CDCA8: variants seen among roughly 807,000 people sequenced by gnomAD.
CDCA8 encodes cell division cycle associated 8.
Under a neutral mutation model 40.0 loss-of-function variants are expected in CDCA8, and 25 were observed. The observed-to-expected ratio is 0.63, with a 90% CI of 0.46 to 0.87. CDCA8 has a LOEUF of 0.87. Ranked by LOEUF, CDCA8 falls within the 40% of genes least tolerant of loss-of-function variation. CDCA8 has a pLI of 0.00. For missense variants in CDCA8, 280 were observed against 348.4 expected, an observed-to-expected ratio of 0.80 and a Z score of 1.56; for synonymous variants, 111 against 126.5, an observed-to-expected ratio of 0.88 and a Z score of 0.82.
intron 7 of CDCA8, among the ~76,000 whole-genome samples, chr1:37,704,636 CTTTTTTTT>C (rs145718694): frequency 2.3e-5 from 2 of 86,456 alleles, no homozygotes; most frequent in African/African-American, 4.7e-5. Context: ...TTAATTGCCA[CTTTTTTTT>C]TTTTTTTTTT....
chr1:37,699,910 ACT>A (rs1182948990), intron 4 of CDCA8, among the ~76,000 whole-genome samples: 4 of 150,712 alleles, frequency 2.7e-5, no homozygotes, highest in African/African-American at 4.9e-5. Flanking sequence ...ATAGAGCGAG[ACT>A]CTGTCTCAAA....
intron 4 of CDCA8, among the ~76,000 whole-genome samples, 176 bp downstream of exon 4, chr1:37,699,153 C>G (rs1557516609): frequency 6.6e-6 from 1 of 151,958 alleles, no homozygotes; most frequent in African/African-American, 2.4e-5. Context: ...TTTTTTCCCC[C>G]GAACAGCAAT....
intron 6 of CDCA8, among the ~76,000 whole-genome samples, chr1:37,702,214 T>A (rs1039783903): frequency 6.6e-5 from 10 of 151,998 alleles, no homozygotes; most frequent in African/African-American, 2.4e-4. Flanking sequence ...TAATTTTGTA[T>A]TTTTAGTAGA....
chr1:37,704,636 CTTTTTTTTTTTTTTTT>C (rs145718694), intron 7 of CDCA8, among the ~76,000 whole-genome samples: 2 of 86,478 alleles, frequency 2.3e-5, no homozygotes, highest in South Asian at 9.3e-4. Flanking sequence ...TTAATTGCCA[CTTTTTTTTTTTTTTTT>C]TTTTTTTTTT....
chr1:37,708,752 T>G lies in CDCA8; in HGVS notation c.*386T>G. 3.4e-6 allele frequency: 1 copy of G among 290,490 alleles called. No individual in the cohort carries two copies. Among genetic ancestry groups the G allele is most frequent in the East Asian group, 7.8e-5 (1 of 12,818 alleles). The allele number at this position is 290,490 out of a possible 1,614,324, so 18.0% of individuals were successfully genotyped here. A position where few individuals can be genotyped will look rare whatever the true frequency, so the allele number is the denominator to read the frequency against. On this transcript the variant is annotated 3_prime_UTR_variant, in exon 10 of 10. Transcript: ENST00000373055. The stretch of plus-strand genomic sequence containing the variant: ...TCAGGAAGACTGCCTCCACCACCGC[T>G]ACCCAGAGAACCTCTGCATCTGGCA...
Position 37,701,135 on chromosome 1 carries a change from G to C in CDCA8, c.423+614G>C, listed in dbSNP as rs1311282359. On this transcript the variant is annotated intron_variant, in intron 5 of 9. Transcript: ENST00000373055. Reference sequence around the variant, plus strand: ...ATTTCAGCCTGGAGCTCAGGGAGAAGAGGGAGATTTGAGAGATACACTGCC... The same window carrying C: ...ATTTCAGCCTGGAGCTCAGGGAGAACAGGGAGATTTGAGAGATACACTGCC... Among the ~76,000 whole-genome samples the C allele has an allele frequency of 2.0e-5, 3 of 152,298 alleles. No homozygotes were observed. The East Asian group carries it at 5.8e-4, about 29-fold the overall frequency.
chr1:37,697,088 C>G (rs497705), intron 3 of CDCA8, among the ~76,000 whole-genome samples: 41,344 of 152,050 alleles, frequency 0.27, 6,034 homozygotes, highest in African/African-American at 0.36. Context: ...GCCATTGTTA[C>G]CACACCAAGT....
At chr1:37,695,972 C>T (rs1570277096) in intron 3 of CDCA8, 22 bp downstream of exon 3, 2 of 1,611,902 alleles carry the variant, frequency 1.2e-6, no homozygotes, top group Admixed American at 1.7e-5. Flanking sequence ...TTCCTATTTT[C>T]CAGCCAGTGG....
chr1:37,695,861 G>C, intron 2 of CDCA8, 49 bp from the exon 3 acceptor site: 1 of 1,551,530 alleles, frequency 6.4e-7, no homozygotes, highest in Non-Finnish European at 8.9e-7. Flanking sequence ...TATTAGGCAA[G>C]ATGATTTATT....
intron 6 of CDCA8, among the ~76,000 whole-genome samples, chr1:37,702,218 T>C (rs1645570092): frequency 6.6e-6 from 1 of 151,978 alleles, no homozygotes; most frequent in Non-Finnish European, 1.5e-5. Flanking sequence ...TTTGTATTTT[T>C]AGTAGATGCG....
chr1:37,698,935 C>CTT lies in CDCA8; in HGVS notation c.296_297insTT (p.Thr100Ter). ...CCTGGATATCACCGAAATAAACAAA[C>CTT]TAACAGCAGAAGCTATTCAGACACC... On this transcript the variant is annotated frameshift_variant, in exon 4 of 10. Transcript: ENST00000373055. LOFTEE classifies it high-confidence loss of function. The CTT allele has an allele frequency of 6.2e-7, 1 of 1,613,886 alleles. No homozygotes were observed. The highest frequency in any genetic ancestry group is 8.5e-7 in the Non-Finnish European group (1 of 1,179,756).
rs1244672257 is a variant in CDCA8 at position 37,696,218 on chromosome 1, A to G, written c.264+268A>G. ...AGCGGAAGTAGAAAGCCTCAAGCCC[A>G]AGTTCCTTTAAGCGCCTGAGTCATT... On this transcript the variant is annotated intron_variant, in intron 3 of 9. Coordinates refer to ENST00000373055, the MANE Select transcript of CDCA8 (RefSeq NM_001256875.2). The surrounding 1 kb of genome is among the most constrained non-coding windows in gnomAD (Gnocchi z 5.0). 6.6e-6 allele frequency among the ~76,000 whole-genome samples: 1 copy of G among 152,196 alleles called. No homozygotes were observed. The highest frequency in any genetic ancestry group is 1.5e-5 in the Non-Finnish European group (1 of 68,044).
rs753970229 is a variant in CDCA8, at chr1:37,708,301, CCT to C, written c.799-15_799-14del. 1.2e-6 allele frequency: 2 copies of C among 1,603,172 alleles called. No individual in the cohort carries two copies. The highest frequency in any genetic ancestry group is 2.3e-5 in the East Asian group (1 of 42,694). Reference sequence around the variant, plus strand: ...TGCCAAGTGACATCTTCTACAATGACCTCTCTCCTTTTCTTTTTAGAACCGTC... The same window carrying C: ...TGCCAAGTGACATCTTCTACAATGACCTCTCCTTTTCTTTTTAGAACCGTC... On this transcript the variant is annotated intron_variant, in intron 9 of 9. Coordinates refer to ENST00000373055, the MANE Select transcript of CDCA8 (RefSeq NM_001256875.2).
At chr1:37,701,849 G>A (rs954537380) in intron 6 of CDCA8, 31 bp downstream of exon 6, 1 of 1,537,602 alleles carries the variant, frequency 6.5e-7, no homozygotes, top group African/African-American at 1.4e-5. Context: ...GTGGTGTTTT[G>A]GGTTTTATTG....
Position 37,696,979 on chromosome 1 carries a change from AC to A in CDCA8, c.264+1031del, listed in dbSNP as rs763511521. ...TGAGCTCCAATGTTTTAAAAGAGTT[AC>A]CTCTGAGATGAATTATGCTTACTAG... On this transcript the variant is annotated intron_variant, in intron 3 of 9. Coordinates refer to ENST00000373055, the MANE Select transcript of CDCA8 (RefSeq NM_001256875.2). The surrounding 1 kb of genome is among the most constrained non-coding windows in gnomAD (Gnocchi z 5.0). 1.3e-5 allele frequency among the ~76,000 whole-genome samples: 2 copies of A among 152,208 alleles called. No homozygotes were observed. The highest frequency in any genetic ancestry group is 2.9e-5 in the Non-Finnish European group (2 of 68,036).
intron 7 of CDCA8, 34 bp downstream of exon 7, chr1:37,703,381 G>A (rs1645578229): frequency 6.9e-7 from 1 of 1,444,700 alleles, no homozygotes. Context: ...GATTTGATGG[G>A]ACTCCAACAT....
In CDCA8 at chr1:37,696,697, G is replaced by A. The variant is rs185831940; in HGVS notation, c.264+747G>A. ...ATACAAACAATGCGTGTGTATGCAC[G>A]CATTTGTGTATCTTTCTGTTAGTTT... is the stretch of plus-strand genomic sequence containing the variant. On this transcript the variant is annotated intron_variant, in intron 3 of 9. Transcript: ENST00000373055. This position sits in a 1 kb window ranked among gnomAD's most constrained non-coding sequence, Gnocchi z 5.0. Among the ~76,000 whole-genome samples the A allele has an allele frequency of 1.5e-3, 230 of 152,312 alleles. 2 individuals are homozygous for A. Among genetic ancestry groups the A allele is most frequent in the Non-Finnish European group, 1.3e-3 (87 of 68,018 alleles).
At chr1:37,700,320 A>C (rs1645555198) in intron 4 of CDCA8, 116 bp from the exon 5 acceptor site, 1 of 649,818 alleles carries the variant, frequency 1.5e-6, no homozygotes, top group African/African-American at 1.8e-5. Context: ...CTTTATTTTT[A>C]GTCCATTTCT....
Position 37,693,012 on chromosome 1 carries a change from A to T in CDCA8, c.202A>T (p.Met68Leu). ...ILRLPKALRE[M>L]NWLDYFALGG... Reference sequence around the variant, plus strand: ...GCGGCTCCCCAAGGCTCTGCGCGAGATGAACTGGCTTGACTACTTCGGTAA... The same window carrying T: ...GCGGCTCCCCAAGGCTCTGCGCGAGTTGAACTGGCTTGACTACTTCGGTAA... The change falls in exon 2 of 10, where the codon ATG becomes TTG. Residue 68 changes from methionine (M) to leucine (L), a missense_variant. Transcript: ENST00000373055. 1 of 1,614,030 alleles carries T rather than the reference A, an allele frequency of 6.2e-7. No individual in the cohort carries two copies. Among genetic ancestry groups the T allele is most frequent in the East Asian group, 2.2e-5 (1 of 44,878 alleles).
Sources: allele counts gnomAD v4.1 joint callset (sites outside exome capture counted in the v4.1 genomes callset), GRCh38; gene constraint gnomAD v4.1.1; non-coding constraint Gnocchi (gnomAD v3.1); transcripts MANE v1.5; gene names NCBI Gene and HGNC (gene_info 2026-07-23, HGNC 2026-07-21).